The following PCDH9 variants were observed in gnomAD, a reference collection of about 807,000 sequenced individuals.
PCDH9 encodes protocadherin-9.
A neutral mutation model predicts 70.6 loss-of-function variants in PCDH9; 24 were observed. The ratio of observed to expected loss-of-function variants is 0.34; its 90% CI spans 0.25 to 0.48. The LOEUF is 0.48. PCDH9 is among the 20% of genes least tolerant of loss of function. The pLI, the probability that PCDH9 is intolerant of heterozygous loss-of-function variation, is 0.99. For missense variants in PCDH9, 1,281 were observed against 1,503.6 expected, an observed-to-expected ratio of 0.85 and a Z score of 2.45; for synonymous variants, 562 against 558.5, an observed-to-expected ratio of 1.01 and a Z score of -0.09.
chr13:66,776,576 T>C (rs1387829597), intron 3 of PCDH9, among the ~76,000 whole-genome samples: 1 of 152,102 alleles, frequency 6.6e-6, no homozygotes, highest in Non-Finnish European at 1.5e-5. Context: ...TTACAAGGGA[T>C]GTGAAGGAAC....
At chr13:67,212,463 G>C (rs781383707) in intron 2 of PCDH9, 12 of 151,818 alleles carry the variant, frequency 7.9e-5, no homozygotes, top group Non-Finnish European at 1.6e-4. Flanking sequence ...ATTTCCTATT[G>C]TCTAATGCTG....
In PCDH9 at chr13:66,430,795, A is replaced by G. The variant is rs61957610; in HGVS notation, c.3341-125767T>C. 3.2e-3 allele frequency among the ~76,000 whole-genome samples: 481 copies of G among 152,226 alleles called. 1 individual carries two copies. Among genetic ancestry groups the G allele is most frequent in the Admixed American group, 7.2e-3 (110 of 15,270 alleles). On this transcript the variant is annotated intron_variant, in intron 4 of 4. Coordinates refer to ENST00000377865, the MANE Select transcript of PCDH9 (RefSeq NM_203487.3). Reference sequence around the variant, plus strand: ...GAAATGCAGTGTGATAAGAACTGCAATGGGGTCTGACTCAAAGTGCAGTAG... The same window carrying G: ...GAAATGCAGTGTGATAAGAACTGCAGTGGGGTCTGACTCAAAGTGCAGTAG...
intron 4 of PCDH9, among the ~76,000 whole-genome samples, chr13:66,417,701 A>G (rs1238523830): frequency 6.6e-6 from 1 of 152,178 alleles, no homozygotes; most frequent in Non-Finnish European, 1.5e-5. Flanking sequence ...ATTGCCATCT[A>G]ACTGGCTTGA....
chr13:66,365,287 G>T (rs982065833), intron 4 of PCDH9, among the ~76,000 whole-genome samples: 1 of 152,102 alleles, frequency 6.6e-6, no homozygotes, highest in Admixed American at 6.6e-5. Flanking sequence ...CAAGTGATGT[G>T]CTACCTCTAG....
At chr13:66,684,690 T>G (rs2078375389) in intron 3 of PCDH9, among the ~76,000 whole-genome samples, 1 of 152,194 alleles carries the variant, frequency 6.6e-6, no homozygotes, top group South Asian at 2.1e-4. Flanking sequence ...TTAAAGCTCT[T>G]TCCTTTATAA....
intron 4 of PCDH9, among the ~76,000 whole-genome samples, chr13:66,365,103 CT>C (rs1956531919): frequency 2.0e-5 from 3 of 152,208 alleles, no homozygotes; most frequent in Admixed American, 2.0e-4. Context: ...AATTTATTTC[CT>C]TTGATATGCA....
At chr13:66,983,204 C>T (rs183905146) in intron 2 of PCDH9, among the ~76,000 whole-genome samples, 28 of 151,910 alleles carry the variant, frequency 1.8e-4, no homozygotes, top group South Asian at 6.2e-4. Context: ...ACGTCCTGCA[C>T]GTGTACCCCA....
intron 2 of PCDH9, chr13:67,223,617 GT>G (rs1454153944): frequency 6.6e-6 from 1 of 151,926 alleles, no homozygotes; most frequent in Non-Finnish European, 1.5e-5. Context: ...TCTTATCATA[GT>G]TAACTATTTA....
chr13:66,347,003 A>C (rs906543295), intron 4 of PCDH9, among the ~76,000 whole-genome samples: 1 of 152,166 alleles, frequency 6.6e-6, no homozygotes, highest in Non-Finnish European at 1.5e-5. Flanking sequence ...GATTATGGGG[A>C]TATATTAACT....
At chr13:66,503,932 C>T (rs749806466) in intron 4 of PCDH9, among the ~76,000 whole-genome samples, 6 of 152,190 alleles carry the variant, frequency 3.9e-5, no homozygotes, top group Non-Finnish European at 7.3e-5. Context: ...CAAAACAGGT[C>T]TGGGTCTTGG....
intron 4 of PCDH9, among the ~76,000 whole-genome samples, chr13:66,450,275 G>A (rs1435429148): frequency 2.6e-5 from 4 of 152,150 alleles, no homozygotes; most frequent in South Asian, 4.1e-4. Flanking sequence ...CATATATTAC[G>A]CCTATGCTAT....
intron 4 of PCDH9, among the ~76,000 whole-genome samples, chr13:66,375,758 A>G (rs1321315662): frequency 6.6e-6 from 1 of 152,148 alleles, no homozygotes; most frequent in Non-Finnish European, 1.5e-5. Context: ...TACTTTATAC[A>G]GTATAAAATC....
Position 67,225,615 on chromosome 13 carries a change from A to C in PCDH9, c.2826T>G (p.Ala942=), listed in dbSNP as rs1195846057. 1.2e-6 allele frequency: 2 copies of C among 1,614,154 alleles called. No individual in the cohort carries two copies. The highest frequency in any genetic ancestry group is 8.5e-7 in the Non-Finnish European group (1 of 1,180,016). ...TGAGATGAAAAGCAGGCTGTGGAGA[A>C]GCAGATTTGTAGTGCTTGGCCAGGT... ...SPDLAKHYKS[A]SPQPAFHLKP... The change falls in exon 2 of 5, where the codon GCT becomes GCG. Residue 942 remains alanine, a synonymous_variant. Coordinates refer to ENST00000377865, the MANE Select transcript of PCDH9 (RefSeq NM_203487.3).
intron 2 of PCDH9, chr13:67,213,452 T>G (rs1281123704): frequency 6.6e-6 from 1 of 152,026 alleles, no homozygotes; most frequent in African/African-American, 2.4e-5. Context: ...TGTTTAACAT[T>G]TTGCCTGATT....
intron 4 of PCDH9, among the ~76,000 whole-genome samples, chr13:66,382,209 A>G (rs1334230491): frequency 1.3e-5 from 2 of 152,232 alleles, no homozygotes; most frequent in East Asian, 1.9e-4. Flanking sequence ...TAAATTCATC[A>G]TGAAAACAAA....
At chr13:66,419,216 TGATACC>T (rs1371196832) in intron 4 of PCDH9, among the ~76,000 whole-genome samples, 30 of 45,834 alleles carry the variant, frequency 6.5e-4, no homozygotes, top group African/African-American at 1.1e-3. Flanking sequence ...AGCATCACGC[TGATACC>T]AAAACTTGGC....
At chr13:67,050,516 A>G (rs2085301352) in intron 2 of PCDH9, among the ~76,000 whole-genome samples, 1 of 152,202 alleles carries the variant, frequency 6.6e-6, no homozygotes, top group Non-Finnish European at 1.5e-5. Context: ...CTAAGCAAGA[A>G]TGAAAAAGAG....
chr13:67,214,108 G>A (rs1401879822), intron 2 of PCDH9: 1 of 152,112 alleles, frequency 6.6e-6, no homozygotes, highest in Non-Finnish European at 1.5e-5. Flanking sequence ...ATTTTTATTT[G>A]TTGTGTCTCA....
At chr13:66,985,277 T>C (rs1435933416) in intron 2 of PCDH9, among the ~76,000 whole-genome samples, 5 of 152,108 alleles carry the variant, frequency 3.3e-5, no homozygotes, top group Non-Finnish European at 7.4e-5. Context: ...AAATCCTGTC[T>C]TTGTTGAATG....
Sources: allele counts gnomAD v4.1 joint callset (sites outside exome capture counted in the v4.1 genomes callset), GRCh38; gene constraint gnomAD v4.1.1; transcripts MANE v1.5; gene names NCBI Gene and HGNC (gene_info 2026-07-23, HGNC 2026-07-21).